The following DACH2 variants were observed in gnomAD, a reference collection of about 807,000 sequenced individuals.
DACH2 encodes dachshund homolog 2.
DACH2 carries 17 observed loss-of-function variants against 35.8 expected under a neutral mutation model. The observed-to-expected ratio is 0.48, with a 90% CI of 0.33 to 0.71. The LOEUF (loss-of-function observed/expected upper bound fraction) is 0.71, where lower values mean the gene tolerates loss of function less well. Among genes scored for constraint, DACH2 ranks in the 30% least tolerant of loss-of-function variants. The probability of loss-of-function intolerance (pLI) is 0.02; values close to 1 mark genes in which losing one functional copy is unlikely to be tolerated. For missense variants in DACH2, 469 were observed against 472.7 expected (o/e 0.99, Z 0.07); for synonymous variants, 195 against 177.3 (o/e 1.10, Z -0.79).
rs769178161 is a variant in DACH2, at chrX:86,286,222, G to T, written c.489-90602G>T. On this transcript the variant is annotated intron_variant, in intron 1 of 11. Coordinates refer to ENST00000373125, the MANE Select transcript of DACH2 (RefSeq NM_053281.3). ...GGCTCACTGCAAGCTCCGCTTCCCG[G>T]GTTCACGCCATTCTCCTGCCTCAGC... is the stretch of plus-strand genomic sequence containing the variant. Among the ~76,000 whole-genome samples the T allele has an allele frequency of 3.3e-5, 3 of 92,228 alleles. No individual in the cohort carries two copies. In the South Asian group the frequency reaches 2.0e-3, roughly 61 times the overall value. The allele number at this position is 92,228 out of a possible 115,157, so 80.1% of individuals were successfully genotyped here.
chrX:86,799,781 C>CTTTACCCAATCAA (rs2042273976), intron 7 of DACH2, among the ~76,000 whole-genome samples: 3 of 111,899 alleles, frequency 2.7e-5, no homozygotes, highest in African/African-American at 9.7e-5. Flanking sequence ...TGGGTAAATC[C>CTTTACCCAATCAA]TGGAATCAAT....
At chrX:86,765,253 G>T (rs2041920649) in intron 7 of DACH2, among the ~76,000 whole-genome samples, 1 of 111,379 alleles carries the variant, frequency 9.0e-6, no homozygotes, top group Non-Finnish European at 1.9e-5. Context: ...GTCAATTTTT[G>T]TTTATGTTGC....
At chrX:86,330,558 C>T (rs1026523861) in intron 1 of DACH2, among the ~76,000 whole-genome samples, 1 of 111,325 alleles carries the variant, frequency 9.0e-6, no homozygotes, top group Non-Finnish European at 1.9e-5. Flanking sequence ...TTAGAATGTG[C>T]TTGGAAGTCA....
chrX:86,261,929 A>G lies in DACH2; in HGVS notation c.488+112821A>G, dbSNP rs192737992. Among the ~76,000 whole-genome samples, 3 of 110,857 alleles carry G rather than the reference A, an allele frequency of 2.7e-5. No individual in the cohort carries two copies. The East Asian group carries it at 8.5e-4, about 31-fold the overall frequency. ...ACAGTAGATTACCTAGAAAAAGACA[A>G]TTTAATGAATGAACAGGTAGGTTCA... On this transcript the variant is annotated intron_variant, in intron 1 of 11. Coordinates refer to ENST00000373125, the MANE Select transcript of DACH2 (RefSeq NM_053281.3).
At chrX:86,793,430 C>G (rs940317278) in intron 7 of DACH2, among the ~76,000 whole-genome samples, 2 of 111,199 alleles carry the variant, frequency 1.8e-5, no homozygotes, top group African/African-American at 6.5e-5. Context: ...AGAGAATACA[C>G]TCTTTGGGAT....
intron 1 of DACH2, among the ~76,000 whole-genome samples, chrX:86,192,923 T>C (rs1217808259): frequency 1.2e-4 from 13 of 112,456 alleles, no homozygotes; most frequent in Non-Finnish European, 7.5e-5. Flanking sequence ...TATTTTGGAA[T>C]GATTTGGAGA....
At chrX:86,748,422 T>G (rs1161201706) in intron 7 of DACH2, among the ~76,000 whole-genome samples, 1 of 112,321 alleles carries the variant, frequency 8.9e-6, no homozygotes, top group East Asian at 2.8e-4. Flanking sequence ...ATTACATAGC[T>G]GCAGAATGTA....
chrX:86,297,414 A>G (rs941116628), intron 1 of DACH2, among the ~76,000 whole-genome samples: 2 of 112,040 alleles, frequency 1.8e-5, no homozygotes, highest in African/African-American at 6.5e-5. Flanking sequence ...ACCGAAGCAT[A>G]TAGCAACCCC....
At chrX:86,801,793 T>G (rs1360844756) in intron 7 of DACH2, among the ~76,000 whole-genome samples, 1 of 112,396 alleles carries the variant, frequency 8.9e-6, no homozygotes, top group Non-Finnish European at 1.9e-5. Context: ...ATAACTTTCT[T>G]GGATACAAGT....
At chrX:86,235,044 G>A (rs944358318) in intron 1 of DACH2, among the ~76,000 whole-genome samples, 2 of 111,582 alleles carry the variant, frequency 1.8e-5, no homozygotes, top group South Asian at 3.8e-4. Context: ...ATGTTTCTAG[G>A]CTGCTCTTGT....
At chrX:86,533,678 A>G (rs888173784) in intron 3 of DACH2, among the ~76,000 whole-genome samples, 4 of 112,406 alleles carry the variant, frequency 3.6e-5, no homozygotes, top group African/African-American at 1.3e-4. Context: ...AAAGTAAAAT[A>G]TTGAATAGTG....
At chrX:86,240,471 A>C (rs1230313116) in intron 1 of DACH2, among the ~76,000 whole-genome samples, 1 of 104,614 alleles carries the variant, frequency 9.6e-6, no homozygotes, top group Non-Finnish European at 1.9e-5. Context: ...TATTATTATT[A>C]TTATTATTAC....
intron 2 of DACH2, among the ~76,000 whole-genome samples, chrX:86,428,209 A>C (rs2036925426): frequency 8.9e-6 from 1 of 112,038 alleles, no homozygotes; most frequent in South Asian, 3.6e-4. Context: ...AGTAACTTAA[A>C]TATAATGTGA....
intron 3 of DACH2, among the ~76,000 whole-genome samples, chrX:86,562,031 A>G: frequency 3.6e-5 from 1 of 28,057 alleles, no homozygotes; most frequent in South Asian, 9.0e-4. Flanking sequence ...AAATCTTTTG[A>G]AGGTGTTATA....
chrX:86,776,148 A>G (rs1283957891), intron 7 of DACH2, among the ~76,000 whole-genome samples: 1 of 111,945 alleles, frequency 8.9e-6, no homozygotes, highest in Non-Finnish European at 1.9e-5. Flanking sequence ...GCATGTCTGA[A>G]TCAGTTTAGA....
intron 1 of DACH2, among the ~76,000 whole-genome samples, chrX:86,324,445 G>A (rs1344783087): frequency 9.0e-6 from 1 of 111,198 alleles, no homozygotes; most frequent in African/African-American, 3.3e-5. Flanking sequence ...AGCAGTGGTA[G>A]AGTTTGAGAG....
At chrX:86,272,062 A>T (rs1051484395) in intron 1 of DACH2, among the ~76,000 whole-genome samples, 4 of 111,280 alleles carry the variant, frequency 3.6e-5, no homozygotes, top group Non-Finnish European at 7.6e-5. Context: ...TTTAGCTCTC[A>T]CTTATGTGAG....
At chrX:86,296,399 A>C (rs1253998221) in intron 1 of DACH2, among the ~76,000 whole-genome samples, 1 of 102,148 alleles carries the variant, frequency 9.8e-6, no homozygotes, top group Admixed American at 1.1e-4. Flanking sequence ...AAAAAAAAAA[A>C]AAAAAAAAAA....
At chrX:86,727,356 A>G (rs763187329) in intron 6 of DACH2, among the ~76,000 whole-genome samples, 1 of 112,196 alleles carries the variant, frequency 8.9e-6, no homozygotes, top group South Asian at 3.7e-4. Context: ...AAGGGTCCAA[A>G]AAATGTGTTT....
Sources: allele counts gnomAD v4.1 joint callset (sites outside exome capture counted in the v4.1 genomes callset), GRCh38; gene constraint gnomAD v4.1.1; transcripts MANE v1.5; gene names NCBI Gene and HGNC (gene_info 2026-07-23, HGNC 2026-07-21).